The following AGBL1 variants were observed in gnomAD, a reference collection of about 807,000 sequenced individuals.
AGBL1 encodes cytosolic carboxypeptidase 4.
In AGBL1, 130 loss-of-function variants were observed where a neutral mutation model predicts 118.9. The ratio of observed to expected loss-of-function variants is 1.09; its 90% CI spans 0.95 to 1.26. AGBL1 has a LOEUF of 1.26. AGBL1 is among the 50% of genes most tolerant of loss of function. The pLI is 0.00. For synonymous variants in AGBL1, 555 were observed against 478.9 expected (o/e 1.16, Z -2.08); for missense variants, 1,584 against 1,298.1 (o/e 1.22, Z -3.38).
intron 18 of AGBL1, among the ~76,000 whole-genome samples, chr15:86,471,209 G>T (rs772236410): frequency 4.6e-5 from 7 of 152,110 alleles, no homozygotes; most frequent in Non-Finnish European, 7.4e-5. Context: ...TTAATATTAA[G>T]ATAGTTTTCT....
rs1393311171 is a variant in AGBL1, at chr15:86,264,299, G to A, written c.1128G>A (p.Lys376=). Residue 376 remains lysine (K), a synonymous_variant, in exon 11 of 23, where the codon AAG becomes AAA. Transcript: ENST00000614907. ...SKLGDDLNSE[K]TQYANHHHIP... ...TTGGAGATGATTTGAACTCTGAAAA[G>A]ACTCAGTATGCCAATCACCACCACA... The A allele has an allele frequency of 2.5e-6, 4 of 1,608,756 alleles. No individual in the cohort carries two copies. Among genetic ancestry groups the A allele is most frequent in the Non-Finnish European group, 3.4e-6 (4 of 1,177,560 alleles).
chr15:86,713,658 T>G (rs1462544221), intron 22 of AGBL1, among the ~76,000 whole-genome samples: 1 of 152,140 alleles, frequency 6.6e-6, no homozygotes, highest in Non-Finnish European at 1.5e-5. Flanking sequence ...CTTCAAAGTG[T>G]TTCAGGTCAG....
intron 18 of AGBL1, among the ~76,000 whole-genome samples, chr15:86,469,763 A>G (rs1040416413): frequency 1.3e-5 from 2 of 152,106 alleles, no homozygotes; most frequent in Non-Finnish European, 2.9e-5. Flanking sequence ...TTTTGTTCAA[A>G]ACTATTCTCA....
At chr15:86,255,722 C>G (rs2078884677) in intron 7 of AGBL1, among the ~76,000 whole-genome samples, 1 of 152,060 alleles carries the variant, frequency 6.6e-6, no homozygotes, top group Non-Finnish European at 1.5e-5. Flanking sequence ...GTGGAGGTTG[C>G]TGTGAGCTGA....
chr15:86,112,709 C>T (rs534108436), intron 1 of AGBL1, among the ~76,000 whole-genome samples: 1 of 152,336 alleles, frequency 6.6e-6, no homozygotes, highest in South Asian at 2.1e-4. Context: ...ACACTCTCTT[C>T]AGCAGTGTAG....
chr15:86,756,303 T>G (rs1334594958), intron 22 of AGBL1, among the ~76,000 whole-genome samples: 1 of 151,688 alleles, frequency 6.6e-6, no homozygotes, highest in Non-Finnish European at 1.5e-5. Flanking sequence ...AGATTCCAAG[T>G]GAAGTTTGCT....
chr15:86,224,957 C>A lies in AGBL1; in HGVS notation c.526+6C>A, dbSNP rs1299052547. 1 of 1,612,852 alleles carries A rather than the reference C, an allele frequency of 6.2e-7. No homozygotes were observed. Among genetic ancestry groups the A allele is most frequent in the East Asian group, 2.2e-5 (1 of 44,846 alleles). On this transcript the variant is annotated splice_donor_region_variant and intron_variant, in intron 6 of 22. Coordinates refer to ENST00000614907, the MANE Select transcript of AGBL1 (RefSeq NM_001386094.1). The stretch of plus-strand genomic sequence containing the variant: ...GGCAGCATTGCTGAAATCCAGTAAG[C>A]ACCTCTTTTGAAGGGTGGCTATTTC...
At chr15:86,600,056 G>A (rs2084470252) in intron 21 of AGBL1, among the ~76,000 whole-genome samples, 1 of 152,054 alleles carries the variant, frequency 6.6e-6, no homozygotes, top group Non-Finnish European at 1.5e-5. Context: ...ATTTAATTTT[G>A]AATTAATTTT....
chr15:86,892,599 A>G (rs2080067621), intron 22 of AGBL1, among the ~76,000 whole-genome samples: 2 of 152,160 alleles, frequency 1.3e-5, no homozygotes, highest in South Asian at 4.2e-4. Flanking sequence ...GATCTACCCC[A>G]TAGATTTGTT....
chr15:86,758,166 C>T (rs1217968207), intron 22 of AGBL1, among the ~76,000 whole-genome samples: 2 of 152,088 alleles, frequency 1.3e-5, no homozygotes, highest in East Asian at 3.9e-4. Context: ...CTCTCCTGTG[C>T]CTTCCCCTGC....
At chr15:86,582,001 A>G (rs1180036117) in intron 21 of AGBL1, among the ~76,000 whole-genome samples, 2 of 152,066 alleles carry the variant, frequency 1.3e-5, no homozygotes, top group African/African-American at 2.4e-5. Context: ...CAACCTCAGC[A>G]CTTTTGACAT....
intron 17 of AGBL1, among the ~76,000 whole-genome samples, chr15:86,390,855 G>A (rs916789867): frequency 4.6e-5 from 7 of 151,174 alleles, no homozygotes; most frequent in Admixed American, 4.6e-4. Context: ...TTTTTAGTAG[G>A]GATGGGGTTT....
chr15:86,171,485 G>A (rs1288579847), intron 5 of AGBL1, among the ~76,000 whole-genome samples: 2 of 152,076 alleles, frequency 1.3e-5, no homozygotes, highest in African/African-American at 4.8e-5. Flanking sequence ...CACTAAAACA[G>A]TTAAGAGTTA....
At chr15:86,466,019 C>T (rs2082401673) in intron 18 of AGBL1, among the ~76,000 whole-genome samples, 1 of 152,150 alleles carries the variant, frequency 6.6e-6, no homozygotes, top group African/African-American at 2.4e-5. Flanking sequence ...TGTGATGTCA[C>T]CCCTGGAGAC....
chr15:86,779,049 A>C (rs2078296604), intron 22 of AGBL1, among the ~76,000 whole-genome samples: 1 of 152,180 alleles, frequency 6.6e-6, no homozygotes, highest in African/African-American at 2.4e-5. Context: ...GCAACAGCTA[A>C]ACTTGAAAGA....
At chr15:86,808,577 T>C (rs1327889845) in intron 22 of AGBL1, among the ~76,000 whole-genome samples, 1 of 151,470 alleles carries the variant, frequency 6.6e-6, no homozygotes, top group African/African-American at 2.4e-5. Context: ...TCCCCTTTCC[T>C]TCCTTCCTCC....
intron 6 of AGBL1, among the ~76,000 whole-genome samples, chr15:86,240,088 C>A (rs182699389): frequency 1.3e-5 from 2 of 152,254 alleles, no homozygotes; most frequent in East Asian, 3.9e-4. Flanking sequence ...CCTAGATATG[C>A]CACTTATAAG....
At chr15:86,805,555 A>T (rs192018274) in intron 22 of AGBL1, among the ~76,000 whole-genome samples, 1 of 152,250 alleles carries the variant, frequency 6.6e-6, no homozygotes, top group Admixed American at 6.5e-5. Flanking sequence ...TTAGAAACAT[A>T]TCTCAGAGTG....
intron 22 of AGBL1, among the ~76,000 whole-genome samples, chr15:86,717,677 A>T (rs1156965864): frequency 6.8e-6 from 1 of 147,526 alleles, no homozygotes; most frequent in Admixed American, 6.8e-5. Flanking sequence ...ATTGCCTCTG[A>T]TTAATCTGGA....
Sources: gnomAD v4.1 joint callset for allele counts (sites outside exome capture counted in the v4.1 genomes callset) on GRCh38, gnomAD v4.1.1 for gene constraint, MANE v1.5 for transcripts, NCBI Gene and HGNC (gene_info 2026-07-23, HGNC 2026-07-21) for gene names.